TCERG1L: variants seen among roughly 807,000 people sequenced by gnomAD.
TCERG1L encodes transcription elongation regulator 1 like, also known as transcription elongation regulator 1-like protein.
In TCERG1L, 37 loss-of-function variants were observed where a neutral mutation model predicts 56.3. The ratio of observed to expected loss-of-function variants is 0.66; its 90% CI spans 0.51 to 0.87. The LOEUF is 0.87. Among genes scored for constraint, TCERG1L ranks in the 40% least tolerant of loss-of-function variants. The pLI is 0.00. For missense variants in TCERG1L, 799 were observed against 774.2 expected, an observed-to-expected ratio of 1.03 and a Z score of -0.38; for synonymous variants, 324 against 326.3, an observed-to-expected ratio of 0.99 and a Z score of 0.08.
intron 3 of TCERG1L, among the ~76,000 whole-genome samples, chr10:131,295,830 AT>A (rs1846684250): frequency 6.6e-6 from 1 of 152,190 alleles, no homozygotes; most frequent in South Asian, 2.1e-4. Context: ...TCTAGAACTT[AT>A]TCCTGCTCTC....
intron 7 of TCERG1L, among the ~76,000 whole-genome samples, chr10:131,138,622 A>C (rs1845699938): frequency 6.6e-6 from 1 of 152,266 alleles, no homozygotes; most frequent in African/African-American, 2.4e-5. Flanking sequence ...GTAAAAATTA[A>C]TGCAAACGGA....
intron 4 of TCERG1L, among the ~76,000 whole-genome samples, chr10:131,188,517 T>G (rs1249611999): frequency 6.6e-6 from 1 of 152,216 alleles, no homozygotes; most frequent in Non-Finnish European, 1.5e-5. Flanking sequence ...CTCATTAGTA[T>G]AGCAGAAAGA....
intron 6 of TCERG1L, among the ~76,000 whole-genome samples, chr10:131,149,035 T>C (rs1446965680): frequency 1.3e-5 from 2 of 151,426 alleles, no homozygotes; most frequent in African/African-American, 4.9e-5. Flanking sequence ...CCTGGCAAAC[T>C]TTCCAGCTCC....
intron 3 of TCERG1L, among the ~76,000 whole-genome samples, chr10:131,299,622 G>T (rs999223249): frequency 3.3e-5 from 5 of 152,070 alleles, no homozygotes; most frequent in Non-Finnish European, 7.4e-5. Context: ...CTGTCAATTT[G>T]AGGAAGTCCC....
intron 9 of TCERG1L, among the ~76,000 whole-genome samples, chr10:131,108,275 C>T (rs1845374405): frequency 6.6e-6 from 1 of 152,212 alleles, no homozygotes; most frequent in African/African-American, 2.4e-5. Context: ...CAGCGTTTCA[C>T]AGGACCCCAG....
chr10:131,184,686 A>C (rs552325093), intron 4 of TCERG1L, among the ~76,000 whole-genome samples: 4 of 152,226 alleles, frequency 2.6e-5, no homozygotes, highest in Non-Finnish European at 5.9e-5. Flanking sequence ...TAAGTTGTGA[A>C]CGGGAAGCCC....
chr10:131,263,166 G>T (rs1311437664), intron 3 of TCERG1L, among the ~76,000 whole-genome samples: 2 of 152,088 alleles, frequency 1.3e-5, no homozygotes, highest in African/African-American at 4.8e-5. Context: ...AGCAGTGAAT[G>T]GGAGTTCCTG....
intron 8 of TCERG1L, among the ~76,000 whole-genome samples, chr10:131,130,204 G>A (rs1429093626): frequency 6.6e-6 from 1 of 152,048 alleles, no homozygotes; most frequent in Non-Finnish European, 1.5e-5. Context: ...GAGTGTGTGC[G>A]TGGGAACTCT....
In TCERG1L at chr10:131,178,979, C is replaced by T. The variant is rs193096121; in HGVS notation, c.857-12094G>A. Among the ~76,000 whole-genome samples the T allele has an allele frequency of 1.3e-3, 203 of 152,372 alleles. 2 individuals are homozygous for T. The highest frequency in any genetic ancestry group is 4.6e-3 in the African/African-American group (190 of 41,592). On this transcript the variant is annotated intron_variant, in intron 4 of 11. Transcript: ENST00000368642. ...CGTGCGGTCCCTCAGGGACACACTC[C>T]TACGTGTCATCACGGAGGGTTCCGT... is the stretch of plus-strand genomic sequence containing the variant.
chr10:131,134,192 C>T (rs887642471), intron 8 of TCERG1L, among the ~76,000 whole-genome samples, 187 bp downstream of exon 8: 5 of 152,188 alleles, frequency 3.3e-5, no homozygotes, highest in Admixed American at 6.5e-5. Flanking sequence ...CCCAAGCCTC[C>T]GAGATACCTG....
At chr10:131,285,004 T>TA (rs1264128836) in intron 3 of TCERG1L, among the ~76,000 whole-genome samples, 1 of 152,016 alleles carries the variant, frequency 6.6e-6, no homozygotes, top group Non-Finnish European at 1.5e-5. Context: ...TCCAAAACAT[T>TA]AAAAAAAGAG....
chr10:131,148,107 T>C (rs1294372876), intron 6 of TCERG1L, among the ~76,000 whole-genome samples: 1 of 152,198 alleles, frequency 6.6e-6, no homozygotes, highest in East Asian at 1.9e-4. Flanking sequence ...GACGTCCACG[T>C]CCTGATCCCT....
At chr10:131,167,686 C>T (rs182494170) in intron 4 of TCERG1L, among the ~76,000 whole-genome samples, 32 of 152,336 alleles carry the variant, frequency 2.1e-4, no homozygotes, top group Admixed American at 5.9e-4. Context: ...CAGGCCACAC[C>T]GCCAGTGACC....
intron 3 of TCERG1L, among the ~76,000 whole-genome samples, chr10:131,292,228 C>T (rs2133574637): frequency 6.6e-6 from 1 of 152,296 alleles, no homozygotes; most frequent in East Asian, 1.9e-4. Context: ...TCTGGTTCAC[C>T]TTCATTCTTT....
intron 3 of TCERG1L, among the ~76,000 whole-genome samples, chr10:131,291,397 A>ATTT (rs1564835283): frequency 3.3e-5 from 2 of 60,186 alleles, no homozygotes; most frequent in Non-Finnish European, 6.5e-5. Flanking sequence ...CATAAACAGC[A>ATTT]TTTCTTTTTT....
chr10:131,126,122 G>A (rs770895368), intron 8 of TCERG1L, among the ~76,000 whole-genome samples: 7 of 152,182 alleles, frequency 4.6e-5, no homozygotes, highest in Non-Finnish European at 8.8e-5. Context: ...TGCCCTGCTC[G>A]CTTCACCTCT....
chr10:131,163,930 C>A (rs554476925), intron 5 of TCERG1L: 1 of 152,260 alleles, frequency 6.6e-6, no homozygotes, highest in South Asian at 2.1e-4. Context: ...GAGATCTAGA[C>A]CATCCTGGCC....
chr10:131,100,683 C>T (rs1387358802), intron 10 of TCERG1L, among the ~76,000 whole-genome samples: 1 of 152,206 alleles, frequency 6.6e-6, no homozygotes, highest in African/African-American at 2.4e-5. Context: ...TCCTGTGCAG[C>T]TCCCCCGGCA....
In TCERG1L at chr10:131,308,340, C is replaced by T. The variant is rs1846837624; in HGVS notation, c.541G>A (p.Glu181Lys). Reference sequence around the variant, plus strand: ...TCATGCCCATGGAAAAACCTTGACTCCTCAGGATGTATCCACGTTGAGTCC... The same window carrying T: ...TCATGCCCATGGAAAAACCTTGACTTCTCAGGATGTATCCACGTTGAGTCC... ...ALDSTWIHPE[E>K]SRFFHGHEKP... Residue 181 changes from glutamate (E) to lysine (K), a missense_variant, in exon 3 of 12, where the codon GAG becomes AAG. By Grantham distance (56) the Glu-to-Lys change is moderately conservative. Coordinates refer to ENST00000368642, the MANE Select transcript of TCERG1L (RefSeq NM_174937.4). The T allele has an allele frequency of 6.2e-7, 1 of 1,613,792 alleles. No homozygotes were observed. Among genetic ancestry groups the T allele is most frequent in the African/African-American group, 1.3e-5 (1 of 74,874 alleles).
Sources: allele counts gnomAD v4.1 joint callset (sites outside exome capture counted in the v4.1 genomes callset), GRCh38; gene constraint gnomAD v4.1.1; transcripts MANE v1.5; gene names NCBI Gene and HGNC (gene_info 2026-07-23, HGNC 2026-07-21).